Variants in TRHDE observed in about 807,000 individuals in gnomAD.
The protein encoded by TRHDE is thyrotropin releasing hormone degrading enzyme.
Under a neutral mutation model 125.7 loss-of-function variants are expected in TRHDE, and 72 were observed. The ratio of observed to expected loss-of-function variants is 0.57; its 90% CI spans 0.47 to 0.70. The LOEUF is 0.70. Among genes scored for constraint, TRHDE ranks in the 30% least tolerant of loss-of-function variants. The probability of loss-of-function intolerance (pLI) is 0.00; values close to 1 mark genes in which losing one functional copy is unlikely to be tolerated. For synonymous variants in TRHDE, 509 were observed against 509.1 expected (o/e 1.00, Z 0.00); for missense variants, 1,110 against 1,327.1 (o/e 0.84, Z 2.54).
intron 2 of TRHDE, among the ~76,000 whole-genome samples, chr12:72,246,253 TAA>T (rs1278882673): frequency 6.8e-6 from 1 of 146,578 alleles, no homozygotes; most frequent in Non-Finnish European, 1.5e-5. Flanking sequence ...ATGCATATAA[TAA>T]CTCTTAAAAT....
At chr12:72,530,414 A>G (rs1474373073) in intron 6 of TRHDE, among the ~76,000 whole-genome samples, 2 of 82,494 alleles carry the variant, frequency 2.4e-5, no homozygotes, top group Non-Finnish European at 4.3e-5. Flanking sequence ...GTTTCCTAGA[A>G]GCTTTTTTTT....
chr12:72,200,273 G>A (rs1302870803), intron 2 of TRHDE, among the ~76,000 whole-genome samples: 1 of 152,196 alleles, frequency 6.6e-6, no homozygotes, highest in African/African-American at 2.4e-5. Flanking sequence ...TTGTGGATTT[G>A]TGGATGTATT....
At chr12:72,288,797 AGAGTT>A (rs1879986624) in intron 2 of TRHDE, among the ~76,000 whole-genome samples, 1 of 152,146 alleles carries the variant, frequency 6.6e-6, no homozygotes, top group African/African-American at 2.4e-5. Context: ...ACTTTTTGTT[AGAGTT>A]AAGAATCTCT....
chr12:72,409,029 T>C (rs1333949945), intron 3 of TRHDE, among the ~76,000 whole-genome samples: 3 of 152,108 alleles, frequency 2.0e-5, no homozygotes, highest in Non-Finnish European at 4.4e-5. Flanking sequence ...AGTCTATGGA[T>C]TCAAGATGCC....
At chr12:72,566,003 T>C (rs749631503) in intron 9 of TRHDE, among the ~76,000 whole-genome samples, 12 of 152,102 alleles carry the variant, frequency 7.9e-5, no homozygotes, top group Non-Finnish European at 1.6e-4. Context: ...TGGATTTCTT[T>C]ACAACATAGA....
At chr12:72,307,490 T>G (rs1392236334) in intron 2 of TRHDE, among the ~76,000 whole-genome samples, 1 of 152,032 alleles carries the variant, frequency 6.6e-6, no homozygotes, top group African/African-American at 2.4e-5. Context: ...TTCAAAAGAA[T>G]CTCTTTGGCT....
At chr12:72,653,538 G>A (rs773455350) in intron 17 of TRHDE, among the ~76,000 whole-genome samples, 6 of 151,976 alleles carry the variant, frequency 3.9e-5, no homozygotes, top group East Asian at 1.9e-4. Flanking sequence ...AATTACTTCC[G>A]TATAATTGTT....
At chr12:72,407,982 A>C (rs1011074088) in intron 3 of TRHDE, among the ~76,000 whole-genome samples, 3 of 152,194 alleles carry the variant, frequency 2.0e-5, no homozygotes, top group African/African-American at 7.2e-5. Context: ...TCATAAAGAA[A>C]TATTTATGTC....
At chr12:72,380,742 C>CCTTG (rs1565720432) in intron 3 of TRHDE, among the ~76,000 whole-genome samples, 121 of 95,966 alleles carry the variant, frequency 1.3e-3, no homozygotes, top group African/African-American at 6.6e-3. Context: ...TTGCTTCCTT[C>CCTTG]CTTCCTTCCT....
chr12:72,239,779 AC>A (rs1030656457), intron 2 of TRHDE, among the ~76,000 whole-genome samples: 4 of 152,218 alleles, frequency 2.6e-5, no homozygotes, highest in Non-Finnish European at 5.9e-5. Context: ...CCTAAATAAA[AC>A]TGAGATACTA....
chr12:72,621,387 A>G (rs1873046503), intron 14 of TRHDE, 182 bp downstream of exon 14: 1 of 590,900 alleles, frequency 1.7e-6, no homozygotes, highest in Admixed American at 3.3e-5. Context: ...CTGAGAACAA[A>G]GACGTTTCCT....
Position 72,117,129 on chromosome 12 carries a change from G to A in TRHDE, n.279+11377G>A, listed in dbSNP as rs570261584. ...TTTTCCATTTTTTCATTGGTTGCCT[G>A]TGCTTGTAAAGAAGTCTTTGCCCAG... On this transcript the variant is annotated intron_variant and non_coding_transcript_variant, in intron 2 of 4. Transcript: ENST00000548156. 1.4e-3 allele frequency among the ~76,000 whole-genome samples: 210 copies of A among 152,064 alleles called. 1 individual carries two copies. Among genetic ancestry groups the A allele is most frequent in the African/African-American group, 4.6e-3 (192 of 41,504 alleles).
chr12:72,372,713 T>C (rs1255462964), intron 2 of TRHDE, among the ~76,000 whole-genome samples: 1 of 152,232 alleles, frequency 6.6e-6, no homozygotes, highest in Non-Finnish European at 1.5e-5. Context: ...TATGCGGCAC[T>C]ATTTCTGAGG....
At chr12:72,496,906 T>C (rs11179226) in intron 5 of TRHDE, among the ~76,000 whole-genome samples, 36,372 of 151,870 alleles carry the variant, frequency 0.24, 5,867 homozygotes, top group East Asian at 0.49. Flanking sequence ...TATAAAAAAT[T>C]AGCACCTTCT....
chr12:72,611,417 T>C (rs1872628567), intron 12 of TRHDE: 1 of 152,208 alleles, frequency 6.6e-6, no homozygotes. Flanking sequence ...AATAACCCAT[T>C]TAAAGAGAAT....
intron 15 of TRHDE, among the ~76,000 whole-genome samples, chr12:72,630,046 A>G (rs1205898439): frequency 6.7e-6 from 1 of 150,032 alleles, no homozygotes; most frequent in Non-Finnish European, 1.5e-5. Context: ...ATATATATAC[A>G]TATATATAAA....
At chr12:72,597,719 A>G (rs1338680177) in intron 12 of TRHDE, among the ~76,000 whole-genome samples, 14 of 4,254 alleles carry the variant, frequency 3.3e-3, no homozygotes, top group African/African-American at 0.011. Flanking sequence ...GTATGTATAT[A>G]TATATATATA....
At chr12:72,344,237 A>T (rs1280339935) in intron 2 of TRHDE, among the ~76,000 whole-genome samples, 1 of 152,148 alleles carries the variant, frequency 6.6e-6, no homozygotes, top group Admixed American at 6.6e-5. Flanking sequence ...CATTTCTGAA[A>T]TGGGCATAAT....
Position 72,314,348 on chromosome 12 carries a change from C to CT in TRHDE, c.1188+27403dup, listed in dbSNP as rs1216946872. On this transcript the variant is annotated intron_variant, in intron 2 of 18. Transcript: ENST00000261180. Reference sequence around the variant, plus strand: ...CCCTCCCTCCCTCCCTTCCTTCCTTCTTTTTTTTTAAAAAAAGAAAAGAAA... The same window carrying CT: ...CCCTCCCTCCCTCCCTTCCTTCCTTCTTTTTTTTTTAAAAAAAGAAAAGAAA... Among the ~76,000 whole-genome samples the CT allele has an allele frequency of 1.8e-4, 20 of 108,926 alleles. No homozygotes were observed. In the East Asian group the frequency reaches 1.8e-3, roughly 10 times the overall value. The allele number at this position is 108,926 out of a possible 152,430, so 71.5% of individuals were successfully genotyped here.
Sources: allele counts gnomAD v4.1 joint callset (sites outside exome capture counted in the v4.1 genomes callset), GRCh38; gene constraint gnomAD v4.1.1; transcripts MANE v1.5; gene names NCBI Gene and HGNC (gene_info 2026-07-23, HGNC 2026-07-21).